The following KALRN variants were observed in gnomAD, a reference collection of about 807,000 sequenced individuals.
KALRN encodes the protein kalirin RhoGEF kinase, also known as kalirin.
In KALRN, 70 loss-of-function variants were observed where a neutral mutation model predicts 353.7. That is an observed-to-expected ratio of 0.20 (90% CI 0.16 to 0.24). The LOEUF (loss-of-function observed/expected upper bound fraction) is 0.24, where lower values mean the gene tolerates loss of function less well. Ranked by LOEUF, KALRN falls within the 10% of genes least tolerant of loss-of-function variation. The pLI is 1.00. For synonymous variants in KALRN, 1,391 were observed against 1,434.8 expected, an observed-to-expected ratio of 0.97 and a Z score of 0.69; for missense variants, 2,791 against 3,756.7, an observed-to-expected ratio of 0.74 and a Z score of 6.72.
At chr3:124,209,749 A>C (rs780974609) in intron 1 of KALRN, among the ~76,000 whole-genome samples, 1 of 152,218 alleles carries the variant, frequency 6.6e-6, no homozygotes, top group Non-Finnish European at 1.5e-5. Flanking sequence ...GACCTAGCAA[A>C]ATTCTAGAAT....
In KALRN at chr3:124,080,234, T is replaced by C. The variant is rs151124362; in HGVS notation, c.73+46421T>C. On this transcript the variant is annotated intron_variant, in intron 1 of 59. Coordinates refer to ENST00000682506, the MANE Select transcript of KALRN (RefSeq NM_001388419.1). ...GTAACTGAAAGCCCAAGAATTTGTATCCTTTCCCACACTGTAAAACTTTTT... is the reference window on the plus strand; with the variant it reads ...GTAACTGAAAGCCCAAGAATTTGTACCCTTTCCCACACTGTAAAACTTTTT... The C allele has an allele frequency of 2.5e-4, 65 of 257,344 alleles. 2 individuals carry two copies. In the East Asian group the frequency reaches 6.3e-3, roughly 25 times the overall value. The allele number at this position is 257,344 out of a possible 1,614,324, so 15.9% of individuals were successfully genotyped here. A position where few individuals can be genotyped will look rare whatever the true frequency, so the allele number is the denominator to read the frequency against.
At position 124,564,991 on chromosome 3, in the gene KALRN, T is replaced by C. The variant is rs540691997; in HGVS notation, c.5182+1902T>C. On this transcript the variant is annotated intron_variant, in intron 34 of 59. Coordinates refer to ENST00000682506, the MANE Select transcript of KALRN (RefSeq NM_001388419.1). The stretch of plus-strand genomic sequence containing the variant: ...GCTAGATATTTCTAGGAGAGGAAGA[T>C]GGGGACGAGGGTCAGCATGGAGACC... Among the ~76,000 whole-genome samples the C allele has an allele frequency of 6.2e-4, 94 of 152,338 alleles. No homozygotes were observed. In the South Asian group the frequency reaches 0.013, roughly 21 times the overall value.
At chr3:124,331,109 G>A (rs2080502000) in intron 8 of KALRN, among the ~76,000 whole-genome samples, 1 of 152,164 alleles carries the variant, frequency 6.6e-6, no homozygotes, top group Non-Finnish European at 1.5e-5. Context: ...GGTTTCATCT[G>A]TGAAATCAAA....
intron 33 of KALRN, among the ~76,000 whole-genome samples, chr3:124,526,816 C>A (rs997739979): frequency 1.3e-5 from 2 of 152,086 alleles, no homozygotes; most frequent in East Asian, 1.9e-4. Flanking sequence ...GAAGGAGTTA[C>A]GTCTCCAAAA....
chr3:124,678,813 G>C (rs1019504017), intron 50 of KALRN, among the ~76,000 whole-genome samples: 3 of 152,126 alleles, frequency 2.0e-5, no homozygotes, highest in Admixed American at 2.0e-4. Flanking sequence ...CATTTTACTT[G>C]CATGGACACA....
intron 15 of KALRN, among the ~76,000 whole-genome samples, chr3:124,426,132 C>G (rs2093007279): frequency 6.6e-6 from 1 of 152,160 alleles, no homozygotes; most frequent in Non-Finnish European, 1.5e-5. Flanking sequence ...ATTAGACAGA[C>G]TTGTTTTCCT....
chr3:124,625,817 A>C (rs1025759248), intron 34 of KALRN, among the ~76,000 whole-genome samples: 1 of 152,232 alleles, frequency 6.6e-6, no homozygotes, highest in African/African-American at 2.4e-5. Flanking sequence ...ACGGTGGCTC[A>C]CACCTATAAT....
Position 124,723,984 on chromosome 3 carries a change from A to C in KALRN, c.*4514A>C, listed in dbSNP as rs1447731081. The C allele has an allele frequency of 2.0e-5, 3 of 152,174 alleles. No individual in the cohort carries two copies. Among genetic ancestry groups the C allele is most frequent in the Non-Finnish European group, 4.4e-5 (3 of 68,032 alleles). The allele number at this position is 152,174 out of a possible 1,614,324, so 9.4% of individuals were successfully genotyped here. ...TTAAATGCACAGGCAAATTAAATGC[A>C]TAGAAATGAATTGGACTGCTCATTT... On this transcript the variant is annotated 3_prime_UTR_variant, in exon 60 of 60. Transcript: ENST00000682506.
intron 1 of KALRN, among the ~76,000 whole-genome samples, chr3:124,213,351 G>T (rs765146184): frequency 1.1e-4 from 17 of 151,908 alleles, no homozygotes; most frequent in Non-Finnish European, 2.2e-4. Context: ...TCATCCATTA[G>T]ATTTTAAAAT....
rs754488298 is a variant in KALRN at position 124,264,568 on chromosome 3, C to A, written c.334C>A (p.Pro112Thr). 1 of 1,614,156 alleles carries A rather than the reference C, an allele frequency of 6.2e-7. No homozygotes were observed. The highest frequency in any genetic ancestry group is 8.5e-7 in the Non-Finnish European group (1 of 1,180,002). The stretch of plus-strand genomic sequence containing the variant: ...GGGCTCCAAGTGGGACCTCATCAAG[C>A]CCCTCCTCAAAACGCTGCAGGAAGC... ...MRGSKWDLIK[P>T]LLKTLQEAFP... Residue 112 changes from proline to threonine, a missense_variant, in exon 4 of 60, where the codon CCC (proline) becomes ACC (threonine). By Grantham distance (38) the Pro-to-Thr change is conservative (BLOSUM62 -1). Coordinates refer to ENST00000682506, the MANE Select transcript of KALRN (RefSeq NM_001388419.1).
At chr3:124,649,790 A>AATAGGTAG (rs2083183414) in intron 37 of KALRN, among the ~76,000 whole-genome samples, 1 of 132,800 alleles carries the variant, frequency 7.5e-6, no homozygotes, top group East Asian at 2.2e-4. Flanking sequence ...CCTGTCTCAA[A>AATAGGTAG]ATAGATAGAT....
At chr3:124,547,192 A>T (rs2069783190) in intron 33 of KALRN, among the ~76,000 whole-genome samples, 1 of 152,116 alleles carries the variant, frequency 6.6e-6, no homozygotes, top group Non-Finnish European at 1.5e-5. Context: ...AGAGGCAAGG[A>T]TCTCACTGTG....
At chr3:124,332,185 C>G (rs1365706700) in intron 8 of KALRN, among the ~76,000 whole-genome samples, 1 of 152,188 alleles carries the variant, frequency 6.6e-6, no homozygotes, top group Non-Finnish European at 1.5e-5. Context: ...CTCTGCTGCA[C>G]TCTACCGCAG....
At chr3:124,378,203 CTCTT>C (rs2086850395) in intron 10 of KALRN, among the ~76,000 whole-genome samples, 1 of 151,630 alleles carries the variant, frequency 6.6e-6, no homozygotes, top group Non-Finnish European at 1.5e-5. Flanking sequence ...TCAACTATAA[CTCTT>C]TATTATTTTA....
chr3:124,215,007 C>T (rs115170786), intron 1 of KALRN, among the ~76,000 whole-genome samples: 3,280 of 152,254 alleles, frequency 0.022, 115 homozygotes, highest in African/African-American at 0.074. Context: ...AGAAATGCCA[C>T]CTTGACCTGT....
At chr3:124,408,510 G>A (rs2091825397) in intron 13 of KALRN, among the ~76,000 whole-genome samples, 1 of 152,186 alleles carries the variant, frequency 6.6e-6, no homozygotes, top group South Asian at 2.1e-4. Context: ...ATAGTGCTAT[G>A]AGGATTAAAT....
chr3:124,336,432 T>C (rs1255390823), intron 9 of KALRN, among the ~76,000 whole-genome samples: 5 of 152,142 alleles, frequency 3.3e-5, no homozygotes, highest in South Asian at 2.1e-4. Context: ...GCTATTTCAG[T>C]GAACTCTCCA....
At position 124,564,005 on chromosome 3, in the gene KALRN, C is replaced by CA. The variant is rs56072904; in HGVS notation, c.5182+935dup. On this transcript the variant is annotated intron_variant, in intron 34 of 59. Transcript: ENST00000682506. ...TGGGCAACAGAGCGAGACTCTGTCT[C>CA]AAAAAAAAAAAAAAAAAAATTAAAA... Among the ~76,000 whole-genome samples the CA allele has an allele frequency of 6.8e-3, 660 of 96,392 alleles. 10 individuals carry two copies. The highest frequency in any genetic ancestry group is 0.067 in the East Asian group (236 of 3,530). The allele number at this position is 96,392 out of a possible 152,430, so 63.2% of individuals were successfully genotyped here. A position where few individuals can be genotyped will look rare whatever the true frequency, so the allele number is the denominator to read the frequency against.
intron 51 of KALRN, among the ~76,000 whole-genome samples, chr3:124,690,155 C>G (rs72968712): frequency 6.6e-6 from 1 of 151,598 alleles, no homozygotes; most frequent in African/African-American, 2.4e-5. Context: ...GCAATACTAG[C>G]GAACAATATG....
Sources: gnomAD v4.1 joint callset for allele counts (sites outside exome capture counted in the v4.1 genomes callset) on GRCh38, gnomAD v4.1.1 for gene constraint, MANE v1.5 for transcripts, NCBI Gene and HGNC (gene_info 2026-07-23, HGNC 2026-07-21) for gene names.